Variants in TAF1B observed in about 807,000 individuals in gnomAD.
The protein encoded by TAF1B is TATA box-binding protein-associated factor RNA polymerase I subunit B.
TAF1B carries 61 observed loss-of-function variants against 83.9 expected under a neutral mutation model. That is an observed-to-expected ratio of 0.73 (90% CI 0.59 to 0.90). The LOEUF (loss-of-function observed/expected upper bound fraction) is 0.90. Among genes scored for constraint, TAF1B ranks in the 40% least tolerant of loss-of-function variants. TAF1B has a pLI of 0.00. For missense variants in TAF1B, 625 were observed against 677.0 expected, an observed-to-expected ratio of 0.92 and a Z score of 0.85; for synonymous variants, 221 against 224.6, an observed-to-expected ratio of 0.98 and a Z score of 0.14.
At chr2:9,854,551 T>G in intron 5 of TAF1B, 130 bp downstream of exon 5, 2 of 647,358 alleles carry the variant, frequency 3.1e-6, no homozygotes, top group South Asian at 2.1e-5. Flanking sequence ...TTAAGAGGCT[T>G]CTGTTACAGT....
chr2:9,851,323 G>C (rs1663383476), intron 3 of TAF1B, among the ~76,000 whole-genome samples: 1 of 151,928 alleles, frequency 6.6e-6, no homozygotes. Flanking sequence ...TTCAGCATTT[G>C]TGTACACATT....
chr2:9,932,998 C>G (rs1010471183), intron 14 of TAF1B, among the ~76,000 whole-genome samples: 2 of 152,238 alleles, frequency 1.3e-5, no homozygotes, highest in African/African-American at 2.4e-5. Flanking sequence ...GTTATAATCT[C>G]CTGGTGTGCC....
intron 5 of TAF1B, among the ~76,000 whole-genome samples, chr2:9,858,967 A>T (rs555911841): frequency 2.0e-5 from 3 of 151,960 alleles, no homozygotes; most frequent in Non-Finnish European, 4.4e-5. Context: ...GACTATTAAC[A>T]TTCACTCCTC....
intron 14 of TAF1B, 151 bp from the exon 15 acceptor site, chr2:9,933,631 CA>C (rs1413238652): frequency 3.2e-6 from 2 of 633,690 alleles, no homozygotes; most frequent in Non-Finnish European, 5.3e-6. Context: ...AAGGAGTTAA[CA>C]AATTCTTCTA....
intron 8 of TAF1B, among the ~76,000 whole-genome samples, chr2:9,896,341 T>C (rs1342064905): frequency 2.0e-5 from 3 of 152,340 alleles, no homozygotes; most frequent in African/African-American, 7.2e-5. Context: ...GCATTCACTA[T>C]TCTATAGTAT....
chr2:9,878,620 G>A (rs1208448067), intron 7 of TAF1B, among the ~76,000 whole-genome samples: 1 of 152,092 alleles, frequency 6.6e-6, no homozygotes, highest in Non-Finnish European at 1.5e-5. Flanking sequence ...AGCAATAATG[G>A]CATTAATGAA....
intron 6 of TAF1B, among the ~76,000 whole-genome samples, chr2:9,873,847 G>C (rs1664243016): frequency 6.6e-6 from 1 of 151,928 alleles, no homozygotes; most frequent in South Asian, 2.1e-4. Context: ...ACCAGTCATG[G>C]CTTTCCTGGA....
intron 5 of TAF1B, among the ~76,000 whole-genome samples, chr2:9,865,188 A>G (rs889372122): frequency 6.6e-6 from 1 of 152,120 alleles, no homozygotes; most frequent in African/African-American, 2.4e-5. Flanking sequence ...TGTCTAGAGA[A>G]CCCCATTGTC....
chr2:9,882,660 A>C (rs768557258), intron 7 of TAF1B, 46 bp from the exon 8 acceptor site: 1 of 1,302,046 alleles, frequency 7.7e-7, no homozygotes, highest in Admixed American at 2.1e-5. Context: ...ACTCTGCTAT[A>C]TCAGTATATA....
At chr2:9,888,597 A>C (rs1027616611) in intron 8 of TAF1B, among the ~76,000 whole-genome samples, 4 of 151,970 alleles carry the variant, frequency 2.6e-5, no homozygotes, top group African/African-American at 9.7e-5. Flanking sequence ...AGTACTTTAA[A>C]GATGTCATTC....
At chr2:9,918,361 G>T (rs761587859) in intron 12 of TAF1B, among the ~76,000 whole-genome samples, 2 of 152,152 alleles carry the variant, frequency 1.3e-5, no homozygotes, top group African/African-American at 4.8e-5. Flanking sequence ...TTGGAGTCTG[G>T]AACTGATCAC....
At chr2:9,904,290 G>A (rs1260612823) in intron 8 of TAF1B, among the ~76,000 whole-genome samples, 4 of 152,050 alleles carry the variant, frequency 2.6e-5, no homozygotes, top group African/African-American at 9.7e-5. Context: ...CCTTGTGTCT[G>A]TTGTTCCCTT....
rs1260872448 is a variant in TAF1B, at chr2:9,843,576, C to T, written c.18+17C>T. The T allele has an allele frequency of 1.3e-6, 2 of 1,508,032 alleles. No individual in the cohort carries two copies. The highest frequency in any genetic ancestry group is 2.7e-5 in the East Asian group (1 of 37,140). 93.4% of individuals were successfully genotyped at this position (1,508,032 alleles called of 1,614,324 possible). ...GAGGAGGCGGTAAGGAGGCGGTGCA[C>T]CTGGCGGGCCACGATCGCCGGGGCC... On this transcript the variant is annotated intron_variant, in intron 1 of 14. Transcript: ENST00000263663.
intron 8 of TAF1B, among the ~76,000 whole-genome samples, chr2:9,885,887 T>A (rs762399663): frequency 1.3e-5 from 2 of 152,200 alleles, no homozygotes; most frequent in Non-Finnish European, 2.9e-5. Context: ...TATCTTTAAT[T>A]CACTAACCAA....
In TAF1B at chr2:9,868,392, T is replaced by C. The variant is rs1351263755; in HGVS notation, c.516T>C (p.Thr172=). 5 of 1,613,686 alleles carry C rather than the reference T, an allele frequency of 3.1e-6. No homozygotes were observed. Among genetic ancestry groups the C allele is most frequent in the South Asian group, 1.1e-5 (1 of 90,996 alleles). Residue 172 remains threonine, a synonymous_variant, in exon 6 of 15, where the codon ACT becomes ACC. Coordinates refer to ENST00000263663, the MANE Select transcript of TAF1B (RefSeq NM_005680.3). ...SGAESQSDIH[T]RKPFPVSKAS... ...CGGAGTCTCAGTCTGACATCCACAC[T>C]CGAAAACCTTTCCCCGTCAGCAAAG...
At chr2:9,867,094 T>A (rs975591448) in intron 5 of TAF1B, among the ~76,000 whole-genome samples, 4 of 151,988 alleles carry the variant, frequency 2.6e-5, no homozygotes, top group African/African-American at 4.8e-5. Flanking sequence ...AATAAAAAAA[T>A]TTTTAAATAA....
At chr2:9,869,071 C>T (rs2125146910) in intron 6 of TAF1B, among the ~76,000 whole-genome samples, 1 of 152,290 alleles carries the variant, frequency 6.6e-6, no homozygotes, top group East Asian at 1.9e-4. Flanking sequence ...TTCTTCTCCA[C>T]CTTTTCAGAC....
intron 5 of TAF1B, among the ~76,000 whole-genome samples, chr2:9,859,562 AT>A (rs940305322): frequency 1.3e-5 from 2 of 151,588 alleles, no homozygotes; most frequent in African/African-American, 4.9e-5. Context: ...ACTTTTTTGT[AT>A]TTTTAATACA....
chr2:9,886,924 G>A (rs1237232171), intron 8 of TAF1B, among the ~76,000 whole-genome samples: 3 of 152,132 alleles, frequency 2.0e-5, no homozygotes, highest in African/African-American at 4.8e-5. Flanking sequence ...AATTAGCTGA[G>A]CGTGGTGGCG....
Sources: allele counts gnomAD v4.1 joint callset (sites outside exome capture counted in the v4.1 genomes callset), GRCh38; gene constraint gnomAD v4.1.1; transcripts MANE v1.5; gene names NCBI Gene and HGNC (gene_info 2026-07-23, HGNC 2026-07-21).